RPH3A: variants seen among roughly 807,000 people sequenced by gnomAD.
RPH3A encodes the protein rabphilin 3A.
Under a neutral mutation model 102.2 loss-of-function variants are expected in RPH3A, and 48 were observed. The ratio of observed to expected loss-of-function variants is 0.47; its 90% CI spans 0.37 to 0.60. RPH3A has a LOEUF of 0.60. RPH3A is among the 20% of genes least tolerant of loss of function. The probability of loss-of-function intolerance (pLI) is 0.00; values close to 1 mark genes in which losing one functional copy is unlikely to be tolerated. For synonymous variants in RPH3A, 310 were observed against 324.3 expected (o/e 0.96, Z 0.47); for missense variants, 781 against 910.1 (o/e 0.86, Z 1.83).
chr12:112,582,897 A>G (rs1001398961), intron 1 of RPH3A, among the ~76,000 whole-genome samples: 1 of 152,138 alleles, frequency 6.6e-6, no homozygotes, highest in Non-Finnish European at 1.5e-5. Context: ...TTGTTCATGA[A>G]TATTTCTCCA....
intron 1 of RPH3A, among the ~76,000 whole-genome samples, chr12:112,609,726 C>T (rs1250988821): frequency 1.3e-5 from 2 of 152,298 alleles, no homozygotes; most frequent in African/African-American, 4.8e-5. Flanking sequence ...AAATTACAGA[C>T]CTGCCCCCCA....
intron 1 of RPH3A, among the ~76,000 whole-genome samples, chr12:112,687,782 C>G (rs2040277153): frequency 6.6e-6 from 1 of 152,208 alleles, no homozygotes; most frequent in Admixed American, 6.5e-5. Context: ...ACCTCAGACT[C>G]TTTCATCCAT....
At chr12:112,606,048 T>G (rs1163956642) in intron 1 of RPH3A, among the ~76,000 whole-genome samples, 1 of 152,146 alleles carries the variant, frequency 6.6e-6, no homozygotes, top group Non-Finnish European at 1.5e-5. Flanking sequence ...ATAGCTGAGG[T>G]GTTGAGCAGC....
At position 112,890,977 on chromosome 12, in the gene RPH3A, T is replaced by G; in HGVS notation, c.1749T>G (p.Asn583Lys). 6.2e-7 allele frequency: 1 copy of G among 1,614,144 alleles called. No individual in the cohort carries two copies. The highest frequency in any genetic ancestry group is 1.1e-5 in the South Asian group (1 of 91,062). ...RCVHLAAMDA[N>K]GYSDPFVKLW... ...TGCACCTGGCTGCCATGGACGCTAA[T>G]GGCTACTCAGACCCATTCGTCAAGC... The change falls in exon 19 of 22, where the codon AAT becomes AAG. Residue 583 changes from asparagine (N) to lysine (K), a missense_variant. Asn to Lys is a moderately conservative substitution (Grantham distance 94). Coordinates refer to ENST00000389385, the MANE Select transcript of RPH3A (RefSeq NM_001143854.2).
intron 5 of RPH3A, among the ~76,000 whole-genome samples, chr12:112,859,018 T>C (rs1189310053): frequency 6.6e-6 from 1 of 152,156 alleles, no homozygotes; most frequent in Admixed American, 6.5e-5. Context: ...TAGTAGTGAG[T>C]GTCAGCCACT....
intron 1 of RPH3A, among the ~76,000 whole-genome samples, chr12:112,699,545 C>T (rs2040377662): frequency 6.6e-6 from 1 of 152,192 alleles, no homozygotes; most frequent in East Asian, 1.9e-4. Context: ...GGTACAATTC[C>T]ATTTATATGA....
chr12:112,790,216 C>T (rs968328949), upstream of RPH3A, among the ~76,000 whole-genome samples: 1 of 152,048 alleles, frequency 6.6e-6, no homozygotes, highest in African/African-American at 2.4e-5. Context: ...ACCACCATGC[C>T]CAGCTATTTT....
intron 1 of RPH3A, among the ~76,000 whole-genome samples, chr12:112,727,233 A>G (rs1323772105): frequency 9.3e-5 from 14 of 150,324 alleles, no homozygotes; most frequent in South Asian, 2.1e-4. Context: ...TGTTTTATCA[A>G]TCCCACGTGC....
At position 112,895,975 on chromosome 12, in the gene RPH3A, T is replaced by C. The variant is rs929703770; in HGVS notation, c.1954+102T>C. The stretch of plus-strand genomic sequence containing the variant: ...AGAGTTGAGGTCATTGCTATTCTTT[T>C]GGCAACCTCATTGTTCAAATGCTAA... On this transcript the variant is annotated intron_variant, in intron 21 of 21. Coordinates refer to ENST00000389385, the MANE Select transcript of RPH3A (RefSeq NM_001143854.2). 7.9e-6 allele frequency: 6 copies of C among 760,198 alleles called. No individual in the cohort carries two copies. The Admixed American group carries it at 1.3e-4, about 16-fold the overall frequency. 47.1% of individuals were successfully genotyped at this position (760,198 alleles called of 1,614,324 possible).
chr12:112,665,075 A>G (rs575833946), intron 1 of RPH3A, among the ~76,000 whole-genome samples: 36 of 152,270 alleles, frequency 2.4e-4, no homozygotes, highest in African/African-American at 8.4e-4. Context: ...CCACAGAGGT[A>G]ACCAGCTCAC....
At chr12:112,756,482 G>A (rs1226697728) in intron 1 of RPH3A, among the ~76,000 whole-genome samples, 1 of 152,112 alleles carries the variant, frequency 6.6e-6, no homozygotes, top group Admixed American at 6.6e-5. Context: ...AAAGTGCTGG[G>A]ATTACAGGCA....
At chr12:112,808,530 T>C (rs931012472) in intron 2 of RPH3A, among the ~76,000 whole-genome samples, 2 of 152,178 alleles carry the variant, frequency 1.3e-5, no homozygotes, top group African/African-American at 2.4e-5. Flanking sequence ...GCCCTCAGCC[T>C]CCCCTGGCTT....
chr12:112,766,948 C>A (rs2040894036), intron 1 of RPH3A, among the ~76,000 whole-genome samples: 1 of 152,148 alleles, frequency 6.6e-6, no homozygotes, highest in South Asian at 2.1e-4. Flanking sequence ...AGAGCACACA[C>A]AAAGGCGCGT....
At chr12:112,836,468 C>T (rs1463492762) in intron 3 of RPH3A, 23 bp from the exon 4 acceptor site, 1 of 1,326,200 alleles carries the variant, frequency 7.5e-7, no homozygotes, top group Non-Finnish European at 1.0e-6. Context: ...TTTTCTTTCT[C>T]TCCTTTCTCT....
intron 5 of RPH3A, among the ~76,000 whole-genome samples, chr12:112,854,298 G>A (rs891395898): frequency 6.6e-6 from 1 of 152,240 alleles, no homozygotes; most frequent in African/African-American, 2.4e-5. Flanking sequence ...TGGTGGAGAA[G>A]GAATGGGAGA....
intron 1 of RPH3A, among the ~76,000 whole-genome samples, chr12:112,767,464 G>A (rs764138008): frequency 3.9e-5 from 6 of 152,134 alleles, no homozygotes; most frequent in South Asian, 2.1e-4. Context: ...CGTGGCATTC[G>A]GGTCTCAGAC....
At position 112,869,774 on chromosome 12, in the gene RPH3A, G is replaced by T; in HGVS notation, c.626G>T (p.Arg209Met). ...RAPARGDSED[R>M]RGPGQKTGPD... ...CTTTCTCCAGGTGACAGTGAAGATA[G>T]GAGGGGCCCGGGTCAGAAGACAGGT... The change falls in exon 9 of 22, where the codon AGG (arginine) becomes ATG (methionine). Residue 209 changes from arginine to methionine, a missense_variant. This residue lies in a region of RPH3A where 730 missense variants were observed against 810.0 expected (regional missense o/e 0.90). Coordinates refer to ENST00000389385, the MANE Select transcript of RPH3A (RefSeq NM_001143854.2). 6.2e-7 allele frequency: 1 copy of T among 1,614,170 alleles called. No individual in the cohort carries two copies. Among genetic ancestry groups the T allele is most frequent in the Non-Finnish European group, 8.5e-7 (1 of 1,180,022 alleles).
Position 112,791,953 on chromosome 12 carries a change from C to T in RPH3A, c.-199C>T, listed in dbSNP as rs931835635. On this transcript the variant is annotated 5_prime_UTR_variant, in exon 1 of 22. Coordinates refer to ENST00000389385, the MANE Select transcript of RPH3A (RefSeq NM_001143854.2). Reference sequence around the variant, plus strand: ...CCATGTGGAGGACAGTCTGAGGGAGCCACTGTCCCTTGTCCACTGACTCAC... The same window carrying T: ...CCATGTGGAGGACAGTCTGAGGGAGTCACTGTCCCTTGTCCACTGACTCAC... The T allele has an allele frequency of 5.7e-5, 8 of 140,222 alleles. No homozygotes were observed. Among genetic ancestry groups the T allele is most frequent in the African/African-American group, 2.1e-4 (8 of 37,436 alleles). The allele number at this position is 140,222 out of a possible 1,614,324, so 8.7% of individuals were successfully genotyped here.
intron 2 of RPH3A, among the ~76,000 whole-genome samples, chr12:112,818,504 T>C (rs1471290833): frequency 6.6e-6 from 1 of 152,068 alleles, no homozygotes; most frequent in African/African-American, 2.4e-5. Flanking sequence ...AAGTGATCAA[T>C]AGCAGCTATA....
Sources: allele counts gnomAD v4.1 joint callset (sites outside exome capture counted in the v4.1 genomes callset), GRCh38; gene constraint gnomAD v4.1.1; regional missense constraint gnomAD v4.1.1; transcripts MANE v1.5; gene names NCBI Gene and HGNC (gene_info 2026-07-23, HGNC 2026-07-21).